Variants in MYH14 observed in about 807,000 individuals in gnomAD.
MYH14 encodes the protein myosin-14.
MYH14 carries 123 observed loss-of-function variants against 255.5 expected under a neutral mutation model. That is an observed-to-expected ratio of 0.48 (90% CI 0.42 to 0.56). MYH14 has a LOEUF of 0.56. Ranked by LOEUF, MYH14 falls within the 20% of genes least tolerant of loss-of-function variation. The pLI, the probability that MYH14 is intolerant of heterozygous loss-of-function variation, is 0.00. For missense variants in MYH14, 2,423 were observed against 2,802.3 expected, an observed-to-expected ratio of 0.86 and a Z score of 3.06; for synonymous variants, 1,095 against 1,161.2, an observed-to-expected ratio of 0.94 and a Z score of 1.16.
At chr19:50,243,206 C>T (rs1010908364) in intron 10 of MYH14, among the ~76,000 whole-genome samples, 7 of 152,036 alleles carry the variant, frequency 4.6e-5, no homozygotes, top group Admixed American at 3.9e-4. Context: ...GAGGCCGAGG[C>T]GGGTGGATCA....
Position 50,252,652 on chromosome 19 carries a change from C to T in MYH14, c.1844C>T (p.Ala615Val). ...LHYAGKVDYKANEWLMKNMDP... is the reference protein window; with the variant it reads ...LHYAGKVDYKVNEWLMKNMDP... ...GACTTCATTCAGGTCGACTACAAGG[C>T]CAACGAGTGGCTGATGAAAAACATG... The change falls in exon 16 of 43, where the codon GCC becomes GTC. Residue 615 changes from alanine (A) to valine (V), a missense_variant. Ala to Val is a moderately conservative substitution (Grantham distance 64). This residue lies in a region of MYH14 where 672 missense variants were observed against 881.8 expected (regional missense o/e 0.76). Coordinates refer to ENST00000642316, the MANE Select transcript of MYH14 (RefSeq NM_001145809.2). The surrounding 1 kb of genome is among the most constrained non-coding windows in gnomAD (Gnocchi z 4.2). 6.3e-7 allele frequency: 1 copy of T among 1,592,046 alleles called. No homozygotes were observed. The highest frequency in any genetic ancestry group is 8.6e-7 in the Non-Finnish European group (1 of 1,169,574).
At chr19:50,256,847 A>C (rs2034608810) in intron 17 of MYH14, among the ~76,000 whole-genome samples, 1 of 150,596 alleles carries the variant, frequency 6.6e-6, no homozygotes, top group Non-Finnish European at 1.5e-5. Flanking sequence ...TTCTCTCTCT[A>C]TGCCTCAGTT....
At chr19:50,242,499 T>C (rs1421222366) in intron 10 of MYH14, among the ~76,000 whole-genome samples, 1 of 152,150 alleles carries the variant, frequency 6.6e-6, no homozygotes, top group Non-Finnish European at 1.5e-5. Flanking sequence ...GTGAGACTTA[T>C]TCACTACCAC....
Position 50,221,285 on chromosome 19 carries a change from G to C in MYH14, c.563-1798G>C, listed in dbSNP as rs1476713799. Among the ~76,000 whole-genome samples, 1 of 152,086 alleles carries C rather than the reference G, an allele frequency of 6.6e-6. No homozygotes were observed. The highest frequency in any genetic ancestry group is 1.5e-5 in the Non-Finnish European group (1 of 68,022). ...AAACAGAGGCACAAAGCAACTCAGA[G>C]ACTGGCCCAAGGTCACGCAGCAAGT... On this transcript the variant is annotated intron_variant, in intron 3 of 42. Coordinates refer to ENST00000642316, the MANE Select transcript of MYH14 (RefSeq NM_001145809.2). The surrounding 1 kb of genome is among the most constrained non-coding windows in gnomAD (Gnocchi z 5.3).
intron 23 of MYH14, among the ~76,000 whole-genome samples, chr19:50,267,482 T>G (rs1162180372): frequency 6.6e-6 from 1 of 152,018 alleles, no homozygotes; most frequent in Non-Finnish European, 1.5e-5. Context: ...TGAAACCCCG[T>G]CTCTACTAAA....
At chr19:50,257,630 CAG>C in intron 18 of MYH14, 144 bp downstream of exon 18, 1 of 830,242 alleles carries the variant, frequency 1.2e-6, no homozygotes, top group Non-Finnish European at 1.9e-6. Context: ...TTCCTAGGCT[CAG>C]GGTCCGGTTG....
chr19:50,235,509 T>G (rs1221699090), intron 10 of MYH14, among the ~76,000 whole-genome samples: 2 of 151,062 alleles, frequency 1.3e-5, no homozygotes, highest in East Asian at 3.9e-4. Context: ...CAGCTTGTCA[T>G]TGGCTCACTC....
chr19:50,294,091 T>G (rs1002661576), intron 39 of MYH14, among the ~76,000 whole-genome samples: 2 of 152,216 alleles, frequency 1.3e-5, no homozygotes, highest in Non-Finnish European at 2.9e-5. Context: ...TATAAATATT[T>G]TCTGAGGATT....
chr19:50,299,292 G>T (rs1388616382), intron 39 of MYH14, among the ~76,000 whole-genome samples: 1 of 152,074 alleles, frequency 6.6e-6, no homozygotes, highest in Non-Finnish European at 1.5e-5. Context: ...GAAATAGGCT[G>T]GGGGCAGTGG....
chr19:50,242,067 T>C (rs952861241), intron 10 of MYH14, among the ~76,000 whole-genome samples: 1 of 152,160 alleles, frequency 6.6e-6, no homozygotes, highest in Non-Finnish European at 1.5e-5. Context: ...GACGCAAATG[T>C]CCAGGGGGCC....
Position 50,252,492 on chromosome 19 carries a change from A to T in MYH14, c.1831-147A>T, listed in dbSNP as rs931715515. 12 of 671,752 alleles carry T rather than the reference A, an allele frequency of 1.8e-5. No homozygotes were observed. In the South Asian group the frequency reaches 2.0e-4, roughly 11 times the overall value. The allele number at this position is 671,752 out of a possible 1,614,324, so 41.6% of individuals were successfully genotyped here. A position where few individuals can be genotyped will look rare whatever the true frequency, so the allele number is the denominator to read the frequency against. On this transcript the variant is annotated intron_variant, in intron 15 of 42. Transcript: ENST00000642316. The surrounding 1 kb of genome is among the most constrained non-coding windows in gnomAD (Gnocchi z 4.2). Reference sequence around the variant, plus strand: ...ACCATGCTGGTGGGGTGCAGTTCAGAATATGGACACAAGGTGGCACCAGTG... The same window carrying T: ...ACCATGCTGGTGGGGTGCAGTTCAGTATATGGACACAAGGTGGCACCAGTG...
At chr19:50,236,217 C>A (rs957015867) in intron 10 of MYH14, among the ~76,000 whole-genome samples, 3 of 151,944 alleles carry the variant, frequency 2.0e-5, no homozygotes, top group Admixed American at 2.0e-4. Flanking sequence ...CCTTTACTCC[C>A]AGCTATTTGG....
chr19:50,297,275 C>T (rs981304240), intron 39 of MYH14, among the ~76,000 whole-genome samples: 3 of 151,958 alleles, frequency 2.0e-5, no homozygotes, highest in Admixed American at 6.6e-5. Context: ...TGAGCCACCG[C>T]GCCCGGCCAG....
intron 27 of MYH14, among the ~76,000 whole-genome samples, chr19:50,275,126 TGTCCTC>T (rs2035457055): frequency 6.6e-6 from 1 of 152,184 alleles, no homozygotes; most frequent in African/African-American, 2.4e-5. Context: ...TTCATCGTCA[TGTCCTC>T]CCACAAATCA....
intron 1 of MYH14, among the ~76,000 whole-genome samples, chr19:50,205,976 C>T (rs942105901): frequency 1.3e-5 from 2 of 152,186 alleles, no homozygotes; most frequent in African/African-American, 4.8e-5. Context: ...CCAGCAGTCT[C>T]GGCCCCTCCC....
In MYH14 at chr19:50,293,772, G is replaced by T; in HGVS notation, c.5469+85G>T. The T allele has an allele frequency of 1.4e-6, 2 of 1,406,774 alleles. No homozygotes were observed. The highest frequency in any genetic ancestry group is 1.9e-6 in the Non-Finnish European group (2 of 1,048,866). The allele number at this position is 1,406,774 out of a possible 1,614,324, so 87.1% of individuals were successfully genotyped here. On this transcript the variant is annotated intron_variant, in intron 39 of 42. Coordinates refer to ENST00000642316, the MANE Select transcript of MYH14 (RefSeq NM_001145809.2). This position sits in a 1 kb window ranked among gnomAD's most constrained non-coding sequence, Gnocchi z 4.1. ...TCAGTCCTCTTATTCAACAAATATA[G>T]AAAGGGGATATTTGAGTTGGGTTTT...
chr19:50,250,703 C>T lies in MYH14; in HGVS notation c.1830+15C>T, dbSNP rs375264072. ...ACGCGGGCAAGGTAGGGGCTGGGGC[C>T]GGCCTTGGGGCATGTGGGAGTGGGG... On this transcript the variant is annotated intron_variant, in intron 15 of 42. Transcript: ENST00000642316. This position sits in a 1 kb window ranked among gnomAD's most constrained non-coding sequence, Gnocchi z 5.4. 12 of 1,603,816 alleles carry T rather than the reference C, an allele frequency of 7.5e-6. No individual in the cohort carries two copies. The highest frequency in any genetic ancestry group is 1.7e-4 in the Middle Eastern group (1 of 6,008).
At position 50,281,896 on chromosome 19, in the gene MYH14, CCATG is replaced by C; in HGVS notation, c.4539+55_4539+58del. ...GAATCAGCAAGTCCATCTACGCTTC[CCATG>C]GTCGTTGTGAGGAACCAGTAATCCG... On this transcript the variant is annotated intron_variant, in intron 33 of 42. Transcript: ENST00000642316. The C allele has an allele frequency of 1.9e-6, 3 of 1,571,644 alleles. No homozygotes were observed. The South Asian group carries it at 3.5e-5, about 18-fold the overall frequency.
intron 6 of MYH14, chr19:50,224,816 A>C (rs977126985): frequency 4.4e-6 from 2 of 456,338 alleles, no homozygotes; most frequent in African/African-American, 4.0e-5. Context: ...CTTACTTAAA[A>C]ATTCTAGGCT....
Sources: allele counts gnomAD v4.1 joint callset (sites outside exome capture counted in the v4.1 genomes callset), GRCh38; gene constraint gnomAD v4.1.1; regional missense constraint gnomAD v4.1.1; non-coding constraint Gnocchi (gnomAD v3.1); transcripts MANE v1.5; gene names NCBI Gene and HGNC (gene_info 2026-07-23, HGNC 2026-07-21).